The following CCSER2 variants were observed in gnomAD, a reference collection of about 807,000 sequenced individuals.
CCSER2 encodes serine-rich coiled-coil domain-containing protein 2.
In CCSER2, 46 loss-of-function variants were observed where a neutral mutation model predicts 92.3. The observed-to-expected ratio is 0.50, with a 90% CI of 0.39 to 0.64. The LOEUF (loss-of-function observed/expected upper bound fraction) is 0.64. CCSER2 is among the 30% of genes least tolerant of loss of function. CCSER2 has a pLI of 0.00. For missense variants in CCSER2, 1,244 were observed against 1,238.9 expected (o/e 1.00, Z -0.06); for synonymous variants, 433 against 431.4 (o/e 1.00, Z -0.04).
chr10:84,428,872 G>T (rs897775870), intron 5 of CCSER2, among the ~76,000 whole-genome samples: 2 of 150,858 alleles, frequency 1.3e-5, no homozygotes, highest in Non-Finnish European at 3.0e-5. Context: ...TTTTTTTTCC[G>T]CTTTCATTCT....
intron 1 of CCSER2, among the ~76,000 whole-genome samples, chr10:84,342,263 C>G (rs1293818583): frequency 6.6e-6 from 1 of 152,142 alleles, no homozygotes; most frequent in Non-Finnish European, 1.5e-5. Context: ...GGGCAGAGAC[C>G]AAATGTGTAT....
chr10:84,350,380 T>C (rs35777979), intron 1 of CCSER2, among the ~76,000 whole-genome samples: 2 of 95,290 alleles, frequency 2.1e-5, no homozygotes, highest in African/African-American at 3.4e-5. Context: ...TATTTAATTG[T>C]TTTTTTTTCT....
At chr10:84,394,297 A>T (rs1390299282) in intron 3 of CCSER2, among the ~76,000 whole-genome samples, 1 of 152,106 alleles carries the variant, frequency 6.6e-6, no homozygotes, top group Non-Finnish European at 1.5e-5. Flanking sequence ...ATCTTGTTTG[A>T]TAGGCAGATA....
intron 8 of CCSER2, among the ~76,000 whole-genome samples, chr10:84,471,891 A>G (rs932014477): frequency 1.3e-5 from 2 of 152,112 alleles, no homozygotes; most frequent in African/African-American, 4.8e-5. Flanking sequence ...GAGGAAGAAC[A>G]TAAGGAATAT....
At chr10:84,487,955 G>A (rs1188595293) in intron 9 of CCSER2, among the ~76,000 whole-genome samples, 1 of 152,196 alleles carries the variant, frequency 6.6e-6, no homozygotes, top group Admixed American at 6.5e-5. Context: ...ATGAAGCGCT[G>A]TTGAATTTTG....
chr10:84,392,316 CA>C (rs71473611), intron 3 of CCSER2, among the ~76,000 whole-genome samples: 5,044 of 53,760 alleles, frequency 0.094, 53 homozygotes, highest in Admixed American at 0.12. Context: ...TCTGAAGAAG[CA>C]AAAAAAAAAA....
chr10:84,429,787 G>T lies in CCSER2; in HGVS notation c.1868+3894G>T, dbSNP rs191626795. ...TGGGACATGTTTGGTCATTAGTTAC[G>T]TTCTTTCTGCCCCTCCCCACTTCGC... On this transcript the variant is annotated intron_variant, in intron 5 of 9. Coordinates refer to ENST00000372088, the MANE Select transcript of CCSER2 (RefSeq NM_001284240.2). 2.6e-3 allele frequency among the ~76,000 whole-genome samples: 399 copies of T among 150,594 alleles called. 2 individuals carry two copies. The highest frequency in any genetic ancestry group is 9.0e-3 in the African/African-American group (368 of 40,868).
Position 84,437,985 on chromosome 10 carries a change from A to C in CCSER2, c.1869-527A>C, listed in dbSNP as rs1844288948. ...ATATATAAAACTTTTATAAAAGCTT[A>C]AGTAACCTTTATTGGAAAATATGCT... On this transcript the variant is annotated intron_variant, in intron 5 of 9. Transcript: ENST00000372088. Among the ~76,000 whole-genome samples, 3 of 152,134 alleles carry C rather than the reference A, an allele frequency of 2.0e-5. No individual in the cohort carries two copies. In the East Asian group the frequency reaches 5.8e-4, roughly 29 times the overall value.
chr10:84,501,860 C>CTTATATATATATATATATATAT (rs1809785151), intron 9 of CCSER2, among the ~76,000 whole-genome samples: 1 of 64,402 alleles, frequency 1.6e-5, no homozygotes, highest in Non-Finnish European at 4.1e-5. Flanking sequence ...TATATATATA[C>CTTATATATATATATATATATAT]TCATATATAT....
intron 5 of CCSER2, among the ~76,000 whole-genome samples, chr10:84,435,000 A>G (rs574450896): frequency 6.6e-6 from 1 of 152,212 alleles, no homozygotes; most frequent in Non-Finnish European, 1.5e-5. Context: ...CAAATTAAGG[A>G]TCATAAAATG....
At chr10:84,427,065 A>G (rs979744878) in intron 5 of CCSER2, among the ~76,000 whole-genome samples, 2 of 152,200 alleles carry the variant, frequency 1.3e-5, no homozygotes, top group Non-Finnish European at 2.9e-5. Flanking sequence ...ATATGTAGCC[A>G]TTTTCCAAAA....
At chr10:84,351,353 T>C (rs1418298837) in intron 1 of CCSER2, among the ~76,000 whole-genome samples, 1 of 152,154 alleles carries the variant, frequency 6.6e-6, no homozygotes, top group Non-Finnish European at 1.5e-5. Context: ...TGCCTCAGTG[T>C]CCAGAGTAGC....
chr10:84,497,103 G>T (rs764911323), intron 9 of CCSER2, among the ~76,000 whole-genome samples: 12 of 152,138 alleles, frequency 7.9e-5, no homozygotes, highest in Non-Finnish European at 1.5e-4. Flanking sequence ...TTTAATAGAA[G>T]AATTTTTAAG....
intron 7 of CCSER2, among the ~76,000 whole-genome samples, chr10:84,469,249 A>T (rs1044707264): frequency 6.6e-6 from 1 of 152,148 alleles, no homozygotes; most frequent in Non-Finnish European, 1.5e-5. Flanking sequence ...TTCTAAATGT[A>T]TTCTTAGAAA....
chr10:84,437,846 A>C (rs1206222666), intron 5 of CCSER2, among the ~76,000 whole-genome samples: 1 of 151,420 alleles, frequency 6.6e-6, no homozygotes, highest in Non-Finnish European at 1.5e-5. Context: ...CTAAGTAACT[A>C]GGATTACAGG....
At chr10:84,465,879 T>C (rs1487017512) in intron 7 of CCSER2, among the ~76,000 whole-genome samples, 3 of 152,026 alleles carry the variant, frequency 2.0e-5, no homozygotes, top group Non-Finnish European at 4.4e-5. Context: ...GCCTCCCGAG[T>C]AGCTGGGACT....
chr10:84,484,490 C>CGTGTGTGTGTGT (rs143391336), intron 9 of CCSER2, among the ~76,000 whole-genome samples: 52 of 147,394 alleles, frequency 3.5e-4, no homozygotes, highest in Admixed American at 7.5e-4. Flanking sequence ...TGTGCATGCA[C>CGTGTGTGTGTGT]GTGTGTGTGT....
intron 8 of CCSER2, among the ~76,000 whole-genome samples, chr10:84,472,326 T>C (rs1001969120): frequency 2.6e-5 from 4 of 152,118 alleles, no homozygotes; most frequent in African/African-American, 7.2e-5. Flanking sequence ...CCGAGCACTT[T>C]GGGAGGCCTA....
At chr10:84,469,263 A>G (rs938552216) in intron 7 of CCSER2, among the ~76,000 whole-genome samples, 5 of 152,176 alleles carry the variant, frequency 3.3e-5, no homozygotes. Context: ...TTAGAAATGT[A>G]TCTTTCATGA....
Sources: allele counts gnomAD v4.1 joint callset (sites outside exome capture counted in the v4.1 genomes callset), GRCh38; gene constraint gnomAD v4.1.1; transcripts MANE v1.5; gene names NCBI Gene and HGNC (gene_info 2026-07-23, HGNC 2026-07-21).